Variants in IER3IP1 observed in about 807,000 individuals in gnomAD.
IER3IP1 encodes the protein immediate early response 3-interacting protein 1.
Under a neutral mutation model 12.2 loss-of-function variants are expected in IER3IP1, and 16 were observed. The ratio of observed to expected loss-of-function variants is 1.31; its 90% CI spans 0.89 to 1.99. The LOEUF (loss-of-function observed/expected upper bound fraction) is 1.99, where lower values mean the gene tolerates loss of function less well. IER3IP1 is among the 30% of genes most tolerant of loss of function. The pLI, the probability that IER3IP1 is intolerant of heterozygous loss-of-function variation, is 0.00. For missense variants in IER3IP1, 95 were observed against 95.8 expected (o/e 0.99, Z 0.03); for synonymous variants, 42 against 40.0 (o/e 1.05, Z -0.19).
At chr18:47,164,616 G>A (rs773844998) in intron 1 of IER3IP1, among the ~76,000 whole-genome samples, 8 of 151,856 alleles carry the variant, frequency 5.3e-5, no homozygotes, top group Non-Finnish European at 8.8e-5. Context: ...AGACCAGCCT[G>A]ACAAAAAGTT....
At chr18:47,168,301 CAAAAAA>C (rs35347851) in intron 1 of IER3IP1, among the ~76,000 whole-genome samples, 3 of 107,154 alleles carry the variant, frequency 2.8e-5, no homozygotes, top group Admixed American at 9.7e-5. Flanking sequence ...GACTCCATCA[CAAAAAA>C]AAAAAAAAAA....
rs986661123 is a variant in IER3IP1, at chr18:47,172,532, C to T, written c.91+3655G>A. Among the ~76,000 whole-genome samples the T allele has an allele frequency of 8.5e-5, 13 of 152,146 alleles. No individual in the cohort carries two copies. The highest frequency in any genetic ancestry group is 7.9e-4 in the Admixed American group (12 of 15,286). On this transcript the variant is annotated intron_variant, in intron 1 of 2. Transcript: ENST00000256433. This position sits in a 1 kb window ranked among gnomAD's most constrained non-coding sequence, Gnocchi z 4.0. The stretch of plus-strand genomic sequence containing the variant: ...CCTGAAACAGAAGATAGTACCCAAC[C>T]GTATATGTAGTGTATTTTTTTCAAT...
intron 1 of IER3IP1, among the ~76,000 whole-genome samples, chr18:47,165,152 G>A (rs536410988): frequency 6.6e-5 from 10 of 152,272 alleles, no homozygotes; most frequent in African/African-American, 2.4e-4. Context: ...TTTTGTCAAT[G>A]TTACCAAGTT....
chr18:47,174,588 G>C (rs1419627727), intron 1 of IER3IP1, among the ~76,000 whole-genome samples: 2 of 151,842 alleles, frequency 1.3e-5, no homozygotes, highest in East Asian at 3.9e-4. Flanking sequence ...AGAATCGCTT[G>C]AACCTGGGAG....
At chr18:47,176,116 C>T in intron 1 of IER3IP1, 71 bp downstream of exon 1, 2 of 1,250,502 alleles carry the variant, frequency 1.6e-6, no homozygotes, top group Non-Finnish European at 2.3e-6. Context: ...TCCCCTCACG[C>T]GGCCCCATTA....
At chr18:47,175,523 G>C (rs773706583) in intron 1 of IER3IP1, among the ~76,000 whole-genome samples, 9 of 152,120 alleles carry the variant, frequency 5.9e-5, no homozygotes, top group Non-Finnish European at 1.3e-4. Flanking sequence ...GAGTGCAATG[G>C]CGCAATCTCG....
At chr18:47,157,318 G>T in intron 2 of IER3IP1, 118 bp downstream of exon 2, 2 of 782,904 alleles carry the variant, frequency 2.6e-6, no homozygotes, top group Non-Finnish European at 4.3e-6. Context: ...GCAAAGCCAT[G>T]TTAAAGAGAA....
intron 1 of IER3IP1, among the ~76,000 whole-genome samples, chr18:47,167,782 A>G (rs1430550811): frequency 2.0e-5 from 3 of 152,204 alleles, no homozygotes; most frequent in East Asian, 3.9e-4. Flanking sequence ...TATTTCTCTT[A>G]TAAACCCAAA....
At chr18:47,160,230 G>A (rs2063975759) in intron 1 of IER3IP1, among the ~76,000 whole-genome samples, 2 of 151,812 alleles carry the variant, frequency 1.3e-5, no homozygotes, top group Non-Finnish European at 1.5e-5. Context: ...TCTGTGCCAT[G>A]CTTCTGTGTT....
intron 1 of IER3IP1, among the ~76,000 whole-genome samples, chr18:47,175,592 C>T (rs910269885): frequency 6.6e-6 from 1 of 152,028 alleles, no homozygotes; most frequent in African/African-American, 2.4e-5. Context: ...GCCTCCCGCC[C>T]GGCTAATTTT....
At chr18:47,162,979 AGGG>A (rs1335000084) in intron 1 of IER3IP1, among the ~76,000 whole-genome samples, 2 of 152,142 alleles carry the variant, frequency 1.3e-5, no homozygotes, top group Non-Finnish European at 2.9e-5. Flanking sequence ...TGGTTGGAGA[AGGG>A]AGAGTTTGAG....
Position 47,176,290 on chromosome 18 carries a change from C to T in IER3IP1, c.-13G>A, listed in dbSNP as rs1251643782. 3 of 1,596,932 alleles carry T rather than the reference C, an allele frequency of 1.9e-6. No individual in the cohort carries two copies. The highest frequency in any genetic ancestry group is 2.6e-6 in the Non-Finnish European group (3 of 1,171,474). On this transcript the variant is annotated 5_prime_UTR_variant, in exon 1 of 3. Transcript: ENST00000256433. The stretch of plus-strand genomic sequence containing the variant: ...GGGTAAAGGCCATGGCCGTCCGAGG[C>T]CGCCCCGAAGTCCAAGCGATTTCTC...
intron 1 of IER3IP1, among the ~76,000 whole-genome samples, chr18:47,166,387 C>T (rs1203107326): frequency 6.6e-6 from 1 of 152,086 alleles, no homozygotes; most frequent in African/African-American, 2.4e-5. Flanking sequence ...GGGTCACAGA[C>T]AGTTTGTGGG....
chr18:47,163,394 A>G (rs1049391269), intron 1 of IER3IP1, among the ~76,000 whole-genome samples: 3 of 152,226 alleles, frequency 2.0e-5, no homozygotes, highest in Non-Finnish European at 2.9e-5. Context: ...TCCCAGGTGG[A>G]ATGGAATAGG....
At chr18:47,167,895 G>A (rs1205055316) in intron 1 of IER3IP1, among the ~76,000 whole-genome samples, 3 of 151,836 alleles carry the variant, frequency 2.0e-5, no homozygotes, top group African/African-American at 4.8e-5. Context: ...AAGCCGACGC[G>A]GGTGGATCAC....
chr18:47,168,443 T>C (rs775514305), intron 1 of IER3IP1, among the ~76,000 whole-genome samples: 3 of 152,180 alleles, frequency 2.0e-5, no homozygotes, highest in Non-Finnish European at 4.4e-5. Context: ...AAAAGCTCAT[T>C]AGATTTCAAA....
chr18:47,166,121 T>C (rs1478783389), intron 1 of IER3IP1, among the ~76,000 whole-genome samples: 1 of 152,088 alleles, frequency 6.6e-6, no homozygotes, highest in African/African-American at 2.4e-5. Flanking sequence ...TTTCTTGCAC[T>C]AAAAGGAAAT....
rs893488196 is a variant in IER3IP1, at chr18:47,154,707, G to C, written c.*1470C>G. 1.3e-5 allele frequency: 2 copies of C among 152,152 alleles called. No individual in the cohort carries two copies. The highest frequency in any genetic ancestry group is 2.9e-5 in the Non-Finnish European group (2 of 68,028). 9.4% of individuals were successfully genotyped at this position (152,152 alleles called of 1,614,324 possible). On this transcript the variant is annotated 3_prime_UTR_variant, in exon 3 of 3. Coordinates refer to ENST00000256433, the MANE Select transcript of IER3IP1 (RefSeq NM_016097.5). The stretch of plus-strand genomic sequence containing the variant: ...TCACATGAGCCAAGTAATCAACTAA[G>C]AATCCTTGGTACTTTCCTTGGACTA...
Position 47,169,499 on chromosome 18 carries a change from T to A in IER3IP1, c.91+6688A>T, listed in dbSNP as rs1011694128. ...GGAACAGCCAGACTGTTTTCCGAAG[T>A]GGCTGAACCATTTTACATTCTCTTT... is the stretch of plus-strand genomic sequence containing the variant. On this transcript the variant is annotated intron_variant, in intron 1 of 2. Coordinates refer to ENST00000256433, the MANE Select transcript of IER3IP1 (RefSeq NM_016097.5). Among the ~76,000 whole-genome samples, 8 of 152,326 alleles carry A rather than the reference T, an allele frequency of 5.3e-5. No homozygotes were observed. In the East Asian group the frequency reaches 1.5e-3, roughly 29 times the overall value.
Sources: gnomAD v4.1 joint callset for allele counts (sites outside exome capture counted in the v4.1 genomes callset) on GRCh38, gnomAD v4.1.1 for gene constraint, Gnocchi (gnomAD v3.1) non-coding constraint, MANE v1.5 for transcripts, NCBI Gene and HGNC (gene_info 2026-07-23, HGNC 2026-07-21) for gene names.